Variants in NECTIN1 observed in about 807,000 individuals in gnomAD.
NECTIN1 encodes nectin cell adhesion molecule 1.
A neutral mutation model predicts 48.0 loss-of-function variants in NECTIN1; 23 were observed. The ratio of observed to expected loss-of-function variants is 0.48; its 90% CI spans 0.34 to 0.68. The LOEUF (loss-of-function observed/expected upper bound fraction) is 0.68. Among genes scored for constraint, NECTIN1 ranks in the 30% least tolerant of loss-of-function variants. The probability of loss-of-function intolerance (pLI) is 0.01; values close to 1 mark genes in which losing one functional copy is unlikely to be tolerated. For synonymous variants in NECTIN1, 270 were observed against 288.9 expected (o/e 0.93, Z 0.66); for missense variants, 591 against 709.9 (o/e 0.83, Z 1.90).
At position 119,664,417 on chromosome 11, in the gene NECTIN1, C is replaced by A; in HGVS notation, c.*330G>T. The A allele has an allele frequency of 8.9e-7, 1 of 1,129,274 alleles. No individual in the cohort carries two copies. The highest frequency in any genetic ancestry group is 1.1e-6 in the Non-Finnish European group (1 of 919,998). The allele number at this position is 1,129,274 out of a possible 1,614,324, so 70.0% of individuals were successfully genotyped here. Reference sequence around the variant, plus strand: ...GGCGGGGGAGGCTGGCTCCCCAAACCCTGGAGGGATGCCCAGGTACACAAG... The same window carrying A: ...GGCGGGGGAGGCTGGCTCCCCAAACACTGGAGGGATGCCCAGGTACACAAG... On this transcript the variant is annotated 3_prime_UTR_variant, in exon 6 of 6. Transcript: ENST00000264025.
intron 5 of NECTIN1, among the ~76,000 whole-genome samples, chr11:119,655,781 A>G (rs1404833607): frequency 6.6e-6 from 1 of 152,182 alleles, no homozygotes; most frequent in Non-Finnish European, 1.5e-5. Flanking sequence ...GCCCTGTGGC[A>G]TCAGGGCTTA....
downstream of NECTIN1, among the ~76,000 whole-genome samples, chr11:119,657,739 A>AAATAATAATAAT (rs57059976): frequency 0.024 from 3,106 of 128,240 alleles, 113 homozygotes; most frequent in African/African-American, 0.063. Context: ...TGTCTCTATA[A>AAATAATAATAAT]AATAATAATA....
rs1186900270 is a variant in NECTIN1 at position 119,665,226 on chromosome 11, C to T, written c.1075G>A (p.Gly359Ser). Residue 359 changes from glycine to serine, a missense_variant, in exon 6 of 6, where the codon GGC becomes AGC. By Grantham distance (56) the Gly-to-Ser change is moderately conservative. Coordinates refer to ENST00000264025, the MANE Select transcript of NECTIN1 (RefSeq NM_002855.5). This position sits in a 1 kb window ranked among gnomAD's most constrained non-coding sequence, Gnocchi z 5.1. ...AGPVPTAIIG[G>S]VAGSILLVLI... ...ACCAGCAGGATGCTCCCCGCCACGCCCCCAATGATGGCCGTGGGCACCGGC... is the reference window on the plus strand; with the variant it reads ...ACCAGCAGGATGCTCCCCGCCACGCTCCCAATGATGGCCGTGGGCACCGGC... The T allele has an allele frequency of 6.2e-7, 1 of 1,603,604 alleles. No individual in the cohort carries two copies. Among genetic ancestry groups the T allele is most frequent in the Non-Finnish European group, 8.5e-7 (1 of 1,178,734 alleles).
chr11:119,656,295 G>A (rs1276675658), downstream of NECTIN1: 1 of 152,192 alleles, frequency 6.6e-6, no homozygotes, highest in African/African-American at 2.4e-5. Context: ...CTGGGGATGA[G>A]TAACACACGA....
intron 1 of NECTIN1, among the ~76,000 whole-genome samples, chr11:119,685,387 C>T (rs534679102): frequency 1.8e-4 from 28 of 152,318 alleles, no homozygotes; most frequent in African/African-American, 6.3e-4. Context: ...GGCACGGCGG[C>T]CTGGGAAAAG....
At chr11:119,719,290 G>A (rs1216885050) in intron 1 of NECTIN1, among the ~76,000 whole-genome samples, 2 of 152,162 alleles carry the variant, frequency 1.3e-5, no homozygotes, top group Non-Finnish European at 1.5e-5. Context: ...TGCAGGGGTG[G>A]GAAGAGATTC....
chr11:119,639,726 A>G, intron 6 of NECTIN1: 2 of 1,114,304 alleles, frequency 1.8e-6, no homozygotes, highest in Non-Finnish European at 1.3e-6. Context: ...CCAAAGGGTT[A>G]GTTCCTGGTC....
chr11:119,704,844 G>C (rs544534023), intron 1 of NECTIN1, among the ~76,000 whole-genome samples: 114 of 152,360 alleles, frequency 7.5e-4, no homozygotes, highest in African/African-American at 2.6e-3. Context: ...GGGGGACCAG[G>C]TGTCCTGGGA....
chr11:119,648,292 G>GGTGGTGGTGATGCTGGTGA, intron 5 of NECTIN1, among the ~76,000 whole-genome samples: 1 of 19,262 alleles, frequency 5.2e-5, no homozygotes, highest in African/African-American at 2.8e-4. Flanking sequence ...GGTGGTGATG[G>GGTGGTGGTGATGCTGGTGA]TGGTGGTGGT....
At position 119,640,444 on chromosome 11, in the gene NECTIN1, C is replaced by CAG. The variant is rs1864306888; in HGVS notation, c.1004-434_1004-433dup. On this transcript the variant is annotated intron_variant, in intron 5 of 7. Coordinates refer to the NECTIN1 transcript ENST00000341398. The stretch of plus-strand genomic sequence containing the variant: ...GGTGCTTCACCCTCCCAGCTTGGGA[C>CAG]AGAGGGTGAGGATCAGGAGGGAAAG... 3 of 222,092 alleles carry CAG rather than the reference C, an allele frequency of 1.4e-5. No individual in the cohort carries two copies. The South Asian group carries it at 2.2e-4, about 16-fold the overall frequency. The allele number at this position is 222,092 out of a possible 1,614,324, so 13.8% of individuals were successfully genotyped here.
intron 5 of NECTIN1, among the ~76,000 whole-genome samples, chr11:119,666,593 C>T (rs897259316): frequency 7.2e-5 from 11 of 152,258 alleles, no homozygotes; most frequent in Non-Finnish European, 1.3e-4. Flanking sequence ...CAGCTGGCCT[C>T]GGTCAGAGCC....
rs189248260 is a variant in NECTIN1 at position 119,684,667 on chromosome 11, C to T, written c.80-5902G>A. On this transcript the variant is annotated intron_variant, in intron 1 of 5. Coordinates refer to ENST00000264025, the MANE Select transcript of NECTIN1 (RefSeq NM_002855.5). The surrounding 1 kb of genome is among the most constrained non-coding windows in gnomAD (Gnocchi z 5.2). ...ATAGGCCCCCTCCTCCCAGTGCAGCCGCTTCCCTGATTGTCAACTCCCAGG... is the reference window on the plus strand; with the variant it reads ...ATAGGCCCCCTCCTCCCAGTGCAGCTGCTTCCCTGATTGTCAACTCCCAGG... 2.6e-3 allele frequency among the ~76,000 whole-genome samples: 403 copies of T among 152,286 alleles called. 4 individuals carry two copies. Among genetic ancestry groups the T allele is most frequent in the African/African-American group, 9.2e-3 (384 of 41,552 alleles).
rs147165573 is a variant in NECTIN1 at position 119,706,599 on chromosome 11, C to T, written c.79+21876G>A. Among the ~76,000 whole-genome samples the T allele has an allele frequency of 2.3e-3, 353 of 152,310 alleles. 1 individual carries two copies. Among genetic ancestry groups the T allele is most frequent in the African/African-American group, 7.0e-3 (290 of 41,558 alleles). On this transcript the variant is annotated intron_variant, in intron 1 of 5. Transcript: ENST00000264025. ...AATATAGTATTGATTGCTTTCAAGT[C>T]GATTTCAAATAAACGGCATGATATT...
intron 1 of NECTIN1, among the ~76,000 whole-genome samples, chr11:119,715,198 A>G (rs2134338892): frequency 6.6e-6 from 1 of 152,240 alleles, no homozygotes. Flanking sequence ...GTGCTACAGC[A>G]TTTGATTTCC....
Position 119,664,994 on chromosome 11 carries a change from T to C in NECTIN1, c.1307A>G (p.Tyr436Cys), listed in dbSNP as rs760800557. 3 of 1,613,512 alleles carry C rather than the reference T, an allele frequency of 1.9e-6. No homozygotes were observed. Among genetic ancestry groups the C allele is most frequent in the African/African-American group, 1.3e-5 (1 of 74,866 alleles). ...CTCCTCCTCCTCCTCCTCCTCCTCA[T>C]AGCTGCTTCCACCCAGTGGGCCGGC... is the stretch of plus-strand genomic sequence containing the variant. ...KKAGPLGGSSYEEEEEEEEGG... is the reference protein window; with the variant it reads ...KKAGPLGGSSCEEEEEEEEGG... The change falls in exon 6 of 6, where the codon TAT becomes TGT. Residue 436 changes from tyrosine to cysteine, a missense_variant. Physicochemically the swap from Tyr to Cys is radical, Grantham distance 194 (BLOSUM62 -2). Coordinates refer to ENST00000264025, the MANE Select transcript of NECTIN1 (RefSeq NM_002855.5).
Position 119,661,702 on chromosome 11 carries a change from A to C in NECTIN1, c.*3045T>G. 1.0e-6 allele frequency: 1 copy of C among 985,896 alleles called. No individual in the cohort carries two copies. The highest frequency in any genetic ancestry group is 1.2e-6 in the Non-Finnish European group (1 of 829,960). The allele number at this position is 985,896 out of a possible 1,614,324, so 61.1% of individuals were successfully genotyped here. ...CTGGCAGAGGAAGCGCATGCCCAGG[A>C]AACAGGGCCCCTATAAGGCTCTCTT... On this transcript the variant is annotated 3_prime_UTR_variant, in exon 6 of 6. Transcript: ENST00000264025.
At chr11:119,708,299 G>A (rs919818170) in intron 1 of NECTIN1, among the ~76,000 whole-genome samples, 16 of 151,984 alleles carry the variant, frequency 1.1e-4, no homozygotes, top group African/African-American at 1.9e-4. Flanking sequence ...TGGATGTGGC[G>A]AAAGCACTGG....
intron 1 of NECTIN1, among the ~76,000 whole-genome samples, chr11:119,693,424 T>C: frequency 6.6e-6 from 1 of 152,222 alleles, no homozygotes; most frequent in Non-Finnish European, 1.5e-5. Flanking sequence ...TCATTTAATC[T>C]TCACAACTAC....
chr11:119,728,554 CG>C lies in NECTIN1; in HGVS notation c.-2del. On this transcript the variant is annotated 5_prime_UTR_variant, in exon 1 of 6. Transcript: ENST00000264025. Reference sequence around the variant, plus strand: ...CGCCCGCAAGCCCCATCCGAGCCATCGGGGGCCGGGGGTCCGGCGAGAGGGG... The same window carrying C: ...CGCCCGCAAGCCCCATCCGAGCCATCGGGGCCGGGGGTCCGGCGAGAGGGG... 3 of 1,570,876 alleles carry C rather than the reference CG, an allele frequency of 1.9e-6. No individual in the cohort carries two copies. The highest frequency in any genetic ancestry group is 1.4e-5 in the African/African-American group (1 of 72,956).
Sources: gnomAD v4.1 joint callset for allele counts (sites outside exome capture counted in the v4.1 genomes callset) on GRCh38, gnomAD v4.1.1 for gene constraint, Gnocchi (gnomAD v3.1) non-coding constraint, MANE v1.5 for transcripts, NCBI Gene and HGNC (gene_info 2026-07-23, HGNC 2026-07-21) for gene names.